The following PRKN variants were observed in gnomAD, a reference collection of about 807,000 sequenced individuals.
PRKN encodes E3 ubiquitin-protein ligase parkin.
A neutral mutation model predicts 59.5 loss-of-function variants in PRKN; 56 were observed. The observed-to-expected ratio is 0.94, with a 90% confidence interval of 0.76 to 1.18. PRKN has a LOEUF of 1.18. PRKN is among the 50% of genes most tolerant of loss of function. PRKN has a pLI of 0.00. For synonymous variants in PRKN, 250 were observed against 222.1 expected (o/e 1.13, Z -1.12); for missense variants, 657 against 596.4 (o/e 1.10, Z -1.06).
At chr6:162,673,091 A>G (rs1304368413) in intron 1 of PRKN, among the ~76,000 whole-genome samples, 1 of 152,218 alleles carries the variant, frequency 6.6e-6, no homozygotes, top group Admixed American at 6.5e-5. Flanking sequence ...ATTTTTATAC[A>G]TATTAAATAT....
rs535297424 is a variant in PRKN at position 161,978,462 on chromosome 6, G to A, written c.619-5045C>T. Among the ~76,000 whole-genome samples the A allele has an allele frequency of 4.6e-5, 7 of 152,326 alleles. No individual in the cohort carries two copies. The East Asian group carries it at 1.3e-3, about 29-fold the overall frequency. ...GACAATAAAGGAACACACAATAGAA[G>A]TGAGAAGGGCCTTTTTCGAAAATTC... is the stretch of plus-strand genomic sequence containing the variant. On this transcript the variant is annotated intron_variant, in intron 5 of 11. Transcript: ENST00000366898.
chr6:162,627,280 G>T (rs1280629427), intron 1 of PRKN, among the ~76,000 whole-genome samples: 1 of 152,182 alleles, frequency 6.6e-6, no homozygotes, highest in Non-Finnish European at 1.5e-5. Flanking sequence ...TCAGGAAACA[G>T]TCTGTGATGG....
intron 2 of PRKN, among the ~76,000 whole-genome samples, chr6:162,383,227 C>T (rs967318166): frequency 6.6e-6 from 1 of 152,152 alleles, no homozygotes; most frequent in Admixed American, 6.5e-5. Context: ...TTTCCCAGTT[C>T]CATTAGAGGC....
intron 4 of PRKN, among the ~76,000 whole-genome samples, chr6:162,104,227 C>G (rs1780094529): frequency 6.6e-6 from 1 of 152,112 alleles, no homozygotes; most frequent in Admixed American, 6.5e-5. Context: ...TGAGTTAATC[C>G]AGGTAAAACA....
At chr6:161,375,293 GAGA>G (rs1442103734) in intron 10 of PRKN, among the ~76,000 whole-genome samples, 1 of 152,184 alleles carries the variant, frequency 6.6e-6, no homozygotes, top group Admixed American at 6.5e-5. Flanking sequence ...CAGTCCAGAA[GAGA>G]AGAAGGGTTT....
At chr6:162,115,398 T>C (rs1780625598) in intron 4 of PRKN, among the ~76,000 whole-genome samples, 1 of 151,880 alleles carries the variant, frequency 6.6e-6, no homozygotes, top group Non-Finnish European at 1.5e-5. Flanking sequence ...TAATGCTAGA[T>C]GACGAGTTAG....
chr6:162,253,044 G>C (rs1220386447), intron 3 of PRKN, among the ~76,000 whole-genome samples: 1 of 152,224 alleles, frequency 6.6e-6, no homozygotes, highest in Non-Finnish European at 1.5e-5. Context: ...TACCACCTGC[G>C]TGTGCTATTC....
At chr6:162,300,530 G>C (rs1583338377) in intron 2 of PRKN, among the ~76,000 whole-genome samples, 1 of 151,054 alleles carries the variant, frequency 6.6e-6, no homozygotes, top group African/African-American at 2.4e-5. Context: ...TAAATTATTT[G>C]ACTTCTTTAA....
intron 1 of PRKN, among the ~76,000 whole-genome samples, chr6:162,720,025 T>C (rs114420146): frequency 5.5e-4 from 84 of 152,260 alleles, no homozygotes; most frequent in African/African-American, 2.0e-3. Flanking sequence ...CATTTCATGA[T>C]CTGGAAAATG....
intron 6 of PRKN, among the ~76,000 whole-genome samples, chr6:161,873,681 C>G (rs1384790236): frequency 2.0e-5 from 3 of 151,724 alleles, no homozygotes; most frequent in African/African-American, 7.3e-5. Flanking sequence ...TTGTAGAAGG[C>G]AGGCCACTGT....
rs547461275 is a variant in PRKN at position 161,566,281 on chromosome 6, T to C, written c.933+3074A>G. On this transcript the variant is annotated intron_variant, in intron 8 of 11. Coordinates refer to ENST00000366898, the MANE Select transcript of PRKN (RefSeq NM_004562.3). The surrounding 1 kb of genome is among the most constrained non-coding windows in gnomAD (Gnocchi z 4.1). ...AGGACCTCCACATTGTGGAGTCCAG[T>C]GCTCATTTCTCATCCTTGTCCTTCT... is the stretch of plus-strand genomic sequence containing the variant. 5.3e-5 allele frequency among the ~76,000 whole-genome samples: 8 copies of C among 152,322 alleles called. No individual in the cohort carries two copies. The South Asian group carries it at 1.7e-3, about 32-fold the overall frequency.
At chr6:162,723,948 G>A (rs890887437) in intron 1 of PRKN, among the ~76,000 whole-genome samples, 2 of 152,124 alleles carry the variant, frequency 1.3e-5, no homozygotes, top group Non-Finnish European at 2.9e-5. Flanking sequence ...TCCAATGAAT[G>A]GTTTTTGTCA....
chr6:161,801,586 G>T (rs1245697067), intron 6 of PRKN, among the ~76,000 whole-genome samples: 2 of 152,176 alleles, frequency 1.3e-5, no homozygotes, highest in African/African-American at 4.8e-5. Flanking sequence ...CAAACACAGT[G>T]GGCAACAACC....
Position 161,518,494 on chromosome 6 carries a change from C to T in PRKN, c.1083+30360G>A, listed in dbSNP as rs1428997514. On this transcript the variant is annotated intron_variant, in intron 9 of 11. Transcript: ENST00000366898. This position sits in a 1 kb window ranked among gnomAD's most constrained non-coding sequence, Gnocchi z 5.0. ...AGGCTGCTGTGGCACTGGGCGCTGC[C>T]CCTGGCTGTGCAATCCCAGGGCTCT... 1.3e-5 allele frequency among the ~76,000 whole-genome samples: 2 copies of T among 152,222 alleles called. No homozygotes were observed. The highest frequency in any genetic ancestry group is 2.9e-5 in the Non-Finnish European group (2 of 68,032).
chr6:161,920,922 C>T (rs148452002), intron 6 of PRKN, among the ~76,000 whole-genome samples: 1 of 152,204 alleles, frequency 6.6e-6, no homozygotes, highest in South Asian at 2.1e-4. Flanking sequence ...CCACTGTAGA[C>T]GTTATGAACA....
chr6:162,424,262 T>C (rs1365872585), intron 2 of PRKN, among the ~76,000 whole-genome samples: 1 of 152,084 alleles, frequency 6.6e-6, no homozygotes, highest in Non-Finnish European at 1.5e-5. Context: ...AAATGGGTGA[T>C]GAGGTAGAGC....
chr6:162,597,533 T>C (rs939404790), intron 1 of PRKN, among the ~76,000 whole-genome samples: 2 of 152,230 alleles, frequency 1.3e-5, no homozygotes, highest in East Asian at 3.8e-4. Flanking sequence ...ACCTTTCTTA[T>C]TATGTGTCTA....
At chr6:162,585,533 C>G (rs1026066069) in intron 1 of PRKN, among the ~76,000 whole-genome samples, 3 of 152,106 alleles carry the variant, frequency 2.0e-5, no homozygotes, top group African/African-American at 7.2e-5. Context: ...TTCTTCAAAC[C>G]TGTCATAATT....
intron 4 of PRKN, among the ~76,000 whole-genome samples, chr6:162,196,031 A>T (rs1286607467): frequency 2.0e-5 from 3 of 152,224 alleles, no homozygotes; most frequent in Non-Finnish European, 4.4e-5. Context: ...TGTTCCAAAG[A>T]CTAGTCAGTT....
Sources: allele counts gnomAD v4.1 joint callset (sites outside exome capture counted in the v4.1 genomes callset), GRCh38; gene constraint gnomAD v4.1.1; non-coding constraint Gnocchi (gnomAD v3.1); transcripts MANE v1.5; gene names NCBI Gene and HGNC (gene_info 2026-07-23, HGNC 2026-07-21).